Variants in SEMA3D observed in about 807,000 individuals in gnomAD.
The protein encoded by SEMA3D is semaphorin 3D.
SEMA3D carries 84 observed loss-of-function variants against 100.1 expected under a neutral mutation model. That is an observed-to-expected ratio of 0.84 (90% confidence interval 0.70 to 1.01). The LOEUF is 1.01. Ranked by LOEUF, SEMA3D falls within the 50% of genes least tolerant of loss-of-function variation. The pLI is 0.00. For missense variants in SEMA3D, 875 were observed against 934.1 expected (o/e 0.94, Z 0.82); for synonymous variants, 312 against 320.7 (o/e 0.97, Z 0.29).
the SEMA3D span, among the ~76,000 whole-genome samples, chr7:85,223,033 C>A: frequency 1.5e-4 from 23 of 151,990 alleles, no homozygotes; most frequent in African/African-American, 5.3e-4. Context: ...ATACAAATGG[C>A]CAACAAACAT....
intron 3 of SEMA3D, among the ~76,000 whole-genome samples, chr7:85,100,024 T>A (rs1036606617): frequency 1.3e-5 from 2 of 151,956 alleles, no homozygotes; most frequent in African/African-American, 4.8e-5. Flanking sequence ...TTGATGCCTG[T>A]GTTTGGAGAA....
intron 8 of SEMA3D, among the ~76,000 whole-genome samples, chr7:85,057,119 GA>G (rs543856371): frequency 1.2e-3 from 187 of 152,038 alleles, no homozygotes; most frequent in African/African-American, 4.3e-3. Flanking sequence ...TACTGACCTG[GA>G]AAGATGGCCA....
the SEMA3D span, among the ~76,000 whole-genome samples, chr7:85,207,522 A>C: frequency 6.6e-6 from 1 of 152,086 alleles, no homozygotes; most frequent in South Asian, 2.1e-4. Context: ...AGGCCCTGCT[A>C]ATCTTTCCAT....
chr7:85,142,719 T>G, intron 2 of SEMA3D: 2 of 984,258 alleles, frequency 2.0e-6, no homozygotes, highest in Non-Finnish European at 2.4e-6. Context: ...CATCAATGTT[T>G]TCTTTAATTT....
At chr7:85,141,875 A>C (rs1790059955) in intron 2 of SEMA3D, 1 of 946,378 alleles carries the variant, frequency 1.1e-6, no homozygotes, top group Non-Finnish European at 1.3e-6. Flanking sequence ...GCCTTCACTG[A>C]AAGACCTTCT....
chr7:85,225,104 AT>A, the SEMA3D span, among the ~76,000 whole-genome samples: 1 of 20,690 alleles, frequency 4.8e-5, no homozygotes, highest in East Asian at 2.6e-3. Flanking sequence ...ATATATATAT[AT>A]ACATACATAT....
At chr7:85,100,953 T>A (rs1230744000) in intron 3 of SEMA3D, among the ~76,000 whole-genome samples, 3 of 151,908 alleles carry the variant, frequency 2.0e-5, no homozygotes, top group Non-Finnish European at 4.4e-5. Flanking sequence ...AGTCTGAAAT[T>A]GATACTAATT....
chr7:85,027,880 T>C (rs1337725201), intron 12 of SEMA3D: 2 of 568,480 alleles, frequency 3.5e-6, no homozygotes, highest in East Asian at 9.0e-5. Flanking sequence ...TACTATTATA[T>C]GGGTGTTTTC....
chr7:85,113,735 C>A (rs1382187096), intron 3 of SEMA3D, among the ~76,000 whole-genome samples: 1 of 150,660 alleles, frequency 6.6e-6, no homozygotes, highest in Non-Finnish European at 1.5e-5. Context: ...CGTGCCACTG[C>A]ACTCCAGCCT....
At chr7:85,052,003 T>C (rs933928518) in intron 9 of SEMA3D, among the ~76,000 whole-genome samples, 3 of 151,944 alleles carry the variant, frequency 2.0e-5, no homozygotes, top group African/African-American at 7.2e-5. Flanking sequence ...TGTAGAATAT[T>C]ACCGTCATTA....
chr7:85,206,930 T>A, the SEMA3D span, among the ~76,000 whole-genome samples: 1 of 152,222 alleles, frequency 6.6e-6, no homozygotes, highest in Non-Finnish European at 1.5e-5. Context: ...TTTCATCATA[T>A]CCAATACATT....
At chr7:85,109,781 A>G (rs1789040890) in intron 3 of SEMA3D, among the ~76,000 whole-genome samples, 1 of 152,008 alleles carries the variant, frequency 6.6e-6, no homozygotes. Context: ...TCTCACTGTG[A>G]AAATTCCTTT....
the SEMA3D span, among the ~76,000 whole-genome samples, chr7:85,201,020 T>C: frequency 2.6e-5 from 4 of 151,936 alleles, no homozygotes; most frequent in Admixed American, 6.6e-5. Flanking sequence ...CAATAATAGG[T>C]AATTTTGTAA....
At chr7:85,056,923 T>C (rs1462858352) in intron 8 of SEMA3D, among the ~76,000 whole-genome samples, 1 of 121,334 alleles carries the variant, frequency 8.2e-6, no homozygotes, top group South Asian at 2.5e-4. Flanking sequence ...ATGTATAGCA[T>C]TTAGCATCAG....
At chr7:85,111,788 A>G (rs73703781) in intron 3 of SEMA3D, among the ~76,000 whole-genome samples, 3,367 of 152,064 alleles carry the variant, frequency 0.022, 115 homozygotes, top group African/African-American at 0.076. Flanking sequence ...TTAATTGTCT[A>G]TTTAGTCAAT....
the SEMA3D span, among the ~76,000 whole-genome samples, chr7:85,243,276 CT>C: frequency 3.3e-5 from 5 of 152,066 alleles, no homozygotes; most frequent in African/African-American, 4.8e-5. Flanking sequence ...AACCACAAAA[CT>C]TTTTTTTCTC....
At chr7:85,039,067 GATGTCAATATAC>G (rs1201789849) in intron 11 of SEMA3D, among the ~76,000 whole-genome samples, 2 of 152,090 alleles carry the variant, frequency 1.3e-5, no homozygotes, top group African/African-American at 4.8e-5. Context: ...CTCCTATACT[GATGTCAATATAC>G]ATTGATAAAG....
intron 4 of SEMA3D, among the ~76,000 whole-genome samples, chr7:85,084,602 T>TC (rs1562811151): frequency 1.3e-5 from 2 of 152,172 alleles, no homozygotes; most frequent in African/African-American, 2.4e-5. Context: ...TCTTTTTTTT[T>TC]CCTTTCTTTT....
chr7:85,062,027 C>T (rs1427224581), intron 8 of SEMA3D, among the ~76,000 whole-genome samples: 3 of 152,076 alleles, frequency 2.0e-5, no homozygotes, highest in Non-Finnish European at 4.4e-5. Context: ...AGTGAGGCTG[C>T]AAAGAGCAGG....
Sources: gnomAD v4.1 joint callset for allele counts (sites outside exome capture counted in the v4.1 genomes callset) on GRCh38, gnomAD v4.1.1 for gene constraint, MANE v1.5 for transcripts, NCBI Gene and HGNC (gene_info 2026-07-23, HGNC 2026-07-21) for gene names.